ZNF385D: variants seen among roughly 807,000 people sequenced by gnomAD.
The protein encoded by ZNF385D is zinc finger protein 659.
In ZNF385D, 15 loss-of-function variants were observed where a neutral mutation model predicts 35.8. The ratio of observed to expected loss-of-function variants is 0.42; its 90% CI spans 0.28 to 0.64. The LOEUF is 0.64. Ranked by LOEUF, ZNF385D falls within the 30% of genes least tolerant of loss-of-function variation. The pLI, the probability that ZNF385D is intolerant of heterozygous loss-of-function variation, is 0.23. For synonymous variants in ZNF385D, 212 were observed against 186.8 expected, an observed-to-expected ratio of 1.13 and a Z score of -1.10; for missense variants, 474 against 494.6, an observed-to-expected ratio of 0.96 and a Z score of 0.39.
chr3:22,039,662 G>C (rs191902256), intron 3 of ZNF385D, among the ~76,000 whole-genome samples: 1 of 152,052 alleles, frequency 6.6e-6, no homozygotes, highest in Non-Finnish European at 1.5e-5. Context: ...AGAAACCGTA[G>C]CTTCATGTTA....
At chr3:21,696,358 T>C (rs556557725) in intron 1 of ZNF385D, among the ~76,000 whole-genome samples, 1 of 152,348 alleles carries the variant, frequency 6.6e-6, no homozygotes, top group East Asian at 1.9e-4. Context: ...TAAACTCTTA[T>C]GCCTAAGCAT....
intron 2 of ZNF385D, among the ~76,000 whole-genome samples, chr3:21,600,245 C>T (rs779235430): frequency 2.6e-5 from 4 of 152,188 alleles, no homozygotes; most frequent in African/African-American, 9.6e-5. Context: ...TTTCATTCCT[C>T]TACTTTCTTA....
At chr3:21,669,740 C>A (rs1052467686) in intron 1 of ZNF385D, among the ~76,000 whole-genome samples, 4 of 152,050 alleles carry the variant, frequency 2.6e-5, no homozygotes, top group African/African-American at 9.7e-5. Context: ...TTTAATGAAC[C>A]GAAGAACTTC....
intron 4 of ZNF385D, among the ~76,000 whole-genome samples, chr3:21,454,631 T>C (rs1702673339): frequency 6.6e-6 from 1 of 152,102 alleles, no homozygotes; most frequent in Admixed American, 6.6e-5. Flanking sequence ...ACAGCCAATA[T>C]CATACTGAAT....
chr3:22,277,728 A>C lies in ZNF385D; in HGVS notation c.106+94722T>G, dbSNP rs562772016. ...ATGAAGGAAACTGCAAGATCTGATG[A>C]AACAACAGGGAGGCAAATTTTAGAT... is the stretch of plus-strand genomic sequence containing the variant. On this transcript the variant is annotated intron_variant, in intron 2 of 5. Coordinates refer to the ZNF385D transcript ENST00000494108. Among the ~76,000 whole-genome samples, 3 of 152,146 alleles carry C rather than the reference A, an allele frequency of 2.0e-5. No individual in the cohort carries two copies. In the East Asian group the frequency reaches 5.8e-4, roughly 29 times the overall value.
intron 3 of ZNF385D, among the ~76,000 whole-genome samples, chr3:21,548,447 A>G (rs1016672408): frequency 6.6e-6 from 1 of 152,188 alleles, no homozygotes; most frequent in Non-Finnish European, 1.5e-5. Context: ...AATTGGAAAT[A>G]TATCTCTTGC....
At chr3:22,113,746 G>T (rs1702661671) in intron 3 of ZNF385D, among the ~76,000 whole-genome samples, 1 of 152,032 alleles carries the variant, frequency 6.6e-6, no homozygotes, top group South Asian at 2.1e-4. Flanking sequence ...CTCACTTTGG[G>T]AGGCCAAGGC....
chr3:22,294,733 T>C (rs1268790476), intron 2 of ZNF385D, among the ~76,000 whole-genome samples: 1 of 152,132 alleles, frequency 6.6e-6, no homozygotes, highest in African/African-American at 2.4e-5. Flanking sequence ...GAAAACAAGT[T>C]AATGCAAAAT....
intron 2 of ZNF385D, among the ~76,000 whole-genome samples, chr3:22,296,019 A>ACC (rs1437169746): frequency 3.3e-5 from 5 of 152,162 alleles, no homozygotes; most frequent in African/African-American, 1.2e-4. Context: ...ATCACCTATA[A>ACC]CCTTTGCATG....
At chr3:21,796,409 C>G (rs1575664713) in intron 3 of ZNF385D, among the ~76,000 whole-genome samples, 1 of 152,072 alleles carries the variant, frequency 6.6e-6, no homozygotes, top group African/African-American at 2.4e-5. Context: ...CAAATCTAAT[C>G]CAAAAATGCG....
chr3:22,123,685 C>A (rs1376028195), intron 3 of ZNF385D, among the ~76,000 whole-genome samples: 1 of 152,048 alleles, frequency 6.6e-6, no homozygotes, highest in African/African-American at 2.4e-5. Flanking sequence ...CATAGTGAAA[C>A]CCCATCTCTA....
intron 3 of ZNF385D, among the ~76,000 whole-genome samples, chr3:22,113,246 T>C (rs1202012216): frequency 6.6e-6 from 1 of 152,122 alleles, no homozygotes; most frequent in Non-Finnish European, 1.5e-5. Flanking sequence ...TTCTGAGTAA[T>C]TTCTCATTCT....
intron 1 of ZNF385D, among the ~76,000 whole-genome samples, chr3:21,677,806 T>C (rs2066776552): frequency 6.6e-6 from 1 of 152,008 alleles, no homozygotes. Flanking sequence ...TCCTTAATAA[T>C]TTAGTTTTTT....
At chr3:22,092,398 G>A (rs566133874) in intron 3 of ZNF385D, among the ~76,000 whole-genome samples, 2 of 152,162 alleles carry the variant, frequency 1.3e-5, no homozygotes, top group African/African-American at 4.8e-5. Flanking sequence ...GCCAGCTCCA[G>A]GTATCCAGAC....
chr3:21,781,660 G>C (rs995993441), intron 3 of ZNF385D, among the ~76,000 whole-genome samples: 1 of 151,940 alleles, frequency 6.6e-6, no homozygotes, highest in African/African-American at 2.4e-5. Context: ...TGCTGTTCTT[G>C]ACGACATGAG....
chr3:21,501,528 G>C (rs1706366684), intron 4 of ZNF385D, among the ~76,000 whole-genome samples: 1 of 152,126 alleles, frequency 6.6e-6, no homozygotes, highest in South Asian at 2.1e-4. Flanking sequence ...TGCATGTTTT[G>C]TTTCACATTT....
At chr3:21,755,777 C>A (rs537830345), upstream of ZNF385D, among the ~76,000 whole-genome samples, 2 of 152,228 alleles carry the variant, frequency 1.3e-5, no homozygotes, top group South Asian at 4.2e-4. Context: ...TGAATTCATT[C>A]AACATTTTTG....
chr3:22,044,093 C>CTT (rs5847157), intron 3 of ZNF385D, among the ~76,000 whole-genome samples: 3 of 146,814 alleles, frequency 2.0e-5, no homozygotes, highest in Non-Finnish European at 4.5e-5. Flanking sequence ...CTGGGAAAAA[C>CTT]TTTTTTTTTT....
chr3:22,064,495 C>G (rs1699834168), intron 3 of ZNF385D, among the ~76,000 whole-genome samples: 1 of 152,094 alleles, frequency 6.6e-6, no homozygotes, highest in African/African-American at 2.4e-5. Flanking sequence ...TCCTATGTTC[C>G]TTGCAGCACT....
Sources: gnomAD v4.1 joint callset for allele counts (sites outside exome capture counted in the v4.1 genomes callset) on GRCh38, gnomAD v4.1.1 for gene constraint, MANE v1.5 for transcripts, NCBI Gene and HGNC (gene_info 2026-07-23, HGNC 2026-07-21) for gene names.